FYN: variants seen among roughly 807,000 people sequenced by gnomAD.
FYN encodes the protein tyrosine-protein kinase Fyn.
FYN carries 10 observed loss-of-function variants against 70.2 expected under a neutral mutation model. That is an observed-to-expected ratio of 0.14 (90% CI 0.09 to 0.24). FYN has a LOEUF of 0.24. FYN is among the 10% of genes least tolerant of loss of function. FYN has a pLI of 1.00. For missense variants in FYN, 319 were observed against 673.1 expected, an observed-to-expected ratio of 0.47 and a Z score of 5.82; for synonymous variants, 236 against 248.6, an observed-to-expected ratio of 0.95 and a Z score of 0.48.
chr6:111,758,144 A>G (rs1189286290), intron 3 of FYN, among the ~76,000 whole-genome samples: 3 of 152,210 alleles, frequency 2.0e-5, no homozygotes, highest in African/African-American at 7.2e-5. Context: ...TAGTAGACTG[A>G]TTTTCTGTTT....
intron 2 of FYN, among the ~76,000 whole-genome samples, chr6:111,788,708 G>T (rs1771495309): frequency 1.3e-5 from 2 of 152,236 alleles, no homozygotes; most frequent in Non-Finnish European, 2.9e-5. Context: ...TTGATTGTCT[G>T]AAAAATTAGA....
intron 3 of FYN, among the ~76,000 whole-genome samples, chr6:111,749,732 A>G (rs1015591255): frequency 6.6e-6 from 1 of 152,364 alleles, no homozygotes; most frequent in Non-Finnish European, 1.5e-5. Flanking sequence ...TTAAATGTAG[A>G]TAACACAATT....
intron 2 of FYN, among the ~76,000 whole-genome samples, chr6:111,825,674 T>A (rs1051993542): frequency 6.6e-6 from 1 of 152,196 alleles, no homozygotes; most frequent in African/African-American, 2.4e-5. Context: ...CCTTCCTGGT[T>A]CTTCCCTTTG....
Position 111,708,030 on chromosome 6 carries a change from A to T in FYN, c.345-10T>A. On this transcript the variant is annotated splice_polypyrimidine_tract_variant and intron_variant, in intron 5 of 13. Coordinates refer to ENST00000354650, the MANE Select transcript of FYN (RefSeq NM_002037.5). Reference sequence around the variant, plus strand: ...CCACCAATCTCCTTCCCTGTAAATAAAAAAGAAAAGTAAATATGTTGACCA... The same window carrying T: ...CCACCAATCTCCTTCCCTGTAAATATAAAAGAAAAGTAAATATGTTGACCA... The T allele has an allele frequency of 6.2e-7, 1 of 1,604,038 alleles. No homozygotes were observed. The highest frequency in any genetic ancestry group is 8.5e-7 in the Non-Finnish European group (1 of 1,171,078).
intron 12 of FYN, among the ~76,000 whole-genome samples, chr6:111,691,584 C>T (rs77442349): frequency 0.046 from 7,076 of 152,232 alleles, 485 homozygotes; most frequent in African/African-American, 0.15. Context: ...AGCAGACACA[C>T]ACCAGGCCCT....
chr6:111,849,446 A>G (rs770033101), intron 1 of FYN, among the ~76,000 whole-genome samples: 51 of 152,190 alleles, frequency 3.4e-4, no homozygotes, highest in Non-Finnish European at 2.9e-4. Flanking sequence ...ACATCTCCCT[A>G]TGAACCTCAC....
chr6:111,827,005 T>C (rs1246843521), intron 2 of FYN, among the ~76,000 whole-genome samples: 1 of 152,220 alleles, frequency 6.6e-6, no homozygotes, highest in Non-Finnish European at 1.5e-5. Context: ...CAGAATTTCC[T>C]GAGCCCTTAT....
intron 3 of FYN, among the ~76,000 whole-genome samples, chr6:111,778,571 GTTTTT>G (rs1422331944): frequency 6.7e-6 from 1 of 149,176 alleles, no homozygotes; most frequent in East Asian, 2.0e-4. Flanking sequence ...TCTTTCTTTT[GTTTTT>G]GTTTTTTTTT....
chr6:111,769,516 G>A (rs771891922), intron 3 of FYN, among the ~76,000 whole-genome samples: 2 of 152,138 alleles, frequency 1.3e-5, no homozygotes, highest in Non-Finnish European at 2.9e-5. Context: ...ATATTTCATT[G>A]TGAGTAATAC....
chr6:111,739,569 G>C (rs13199611), intron 3 of FYN, among the ~76,000 whole-genome samples: 5 of 152,164 alleles, frequency 3.3e-5, no homozygotes, highest in Non-Finnish European at 7.4e-5. Flanking sequence ...GAGAGAAACA[G>C]AAGTGATTTT....
intron 3 of FYN, among the ~76,000 whole-genome samples, chr6:111,765,058 G>T (rs913327942): frequency 6.6e-6 from 1 of 152,102 alleles, no homozygotes; most frequent in African/African-American, 2.4e-5. Context: ...CTGGGCCACC[G>T]CAAGGGAGCA....
At chr6:111,793,068 G>A (rs1252885487) in intron 2 of FYN, among the ~76,000 whole-genome samples, 1 of 152,130 alleles carries the variant, frequency 6.6e-6, no homozygotes, top group Non-Finnish European at 1.5e-5. Flanking sequence ...GGGCGAACAC[G>A]ATGAAACCAG....
chr6:111,744,394 T>C (rs1193224771), intron 3 of FYN, among the ~76,000 whole-genome samples: 1 of 152,226 alleles, frequency 6.6e-6, no homozygotes, highest in Non-Finnish European at 1.5e-5. Context: ...CTCACAGATT[T>C]CACAGTGGCC....
intron 13 of FYN, among the ~76,000 whole-genome samples, chr6:111,667,434 T>G (rs1438525420): frequency 6.6e-6 from 1 of 151,956 alleles, no homozygotes; most frequent in Non-Finnish European, 1.5e-5. Flanking sequence ...ATTTTTTTTT[T>G]GTAGAGATAG....
At chr6:111,743,865 T>C (rs1342381845) in intron 3 of FYN, among the ~76,000 whole-genome samples, 1 of 152,202 alleles carries the variant, frequency 6.6e-6, no homozygotes, top group Non-Finnish European at 1.5e-5. Flanking sequence ...TGAAAAGATC[T>C]GGCTCTCTTA....
chr6:111,708,174 C>G, intron 5 of FYN, 154 bp from the exon 6 acceptor site: 1 of 609,464 alleles, frequency 1.6e-6, no homozygotes, highest in Non-Finnish European at 3.0e-6. Context: ...CATAGTCCCC[C>G]TGTGAAGGTC....
chr6:111,785,882 T>C (rs12528217), intron 2 of FYN, among the ~76,000 whole-genome samples: 64,480 of 145,270 alleles, frequency 0.44, 14,467 homozygotes, highest in East Asian at 0.71. Flanking sequence ...GGTGTTCTCA[T>C]TGTTCAATTC....
At chr6:111,699,076 C>A (rs899473936) in intron 9 of FYN, among the ~76,000 whole-genome samples, 26 of 152,100 alleles carry the variant, frequency 1.7e-4, no homozygotes, top group African/African-American at 6.3e-4. Flanking sequence ...AGCAAGACTC[C>A]GTCTCAACAA....
chr6:111,864,939 T>G (rs1329904775), intron 1 of FYN, among the ~76,000 whole-genome samples: 1 of 152,188 alleles, frequency 6.6e-6, no homozygotes, highest in Non-Finnish European at 1.5e-5. Flanking sequence ...CATGACTGTA[T>G]GTAAGCACCT....
Sources: gnomAD v4.1 joint callset for allele counts (sites outside exome capture counted in the v4.1 genomes callset) on GRCh38, gnomAD v4.1.1 for gene constraint, MANE v1.5 for transcripts, NCBI Gene and HGNC (gene_info 2026-07-23, HGNC 2026-07-21) for gene names.